The following HDLBP variants were observed in gnomAD, a reference collection of about 807,000 sequenced individuals.
HDLBP encodes high density lipoprotein binding protein, also known as vigilin.
A neutral mutation model predicts 137.3 loss-of-function variants in HDLBP; 30 were observed. That is an observed-to-expected ratio of 0.22 (90% CI 0.16 to 0.30). The LOEUF is 0.30. HDLBP is among the 10% of genes least tolerant of loss of function. The probability of loss-of-function intolerance (pLI) is 1.00; values close to 1 mark genes in which losing one functional copy is unlikely to be tolerated. For synonymous variants in HDLBP, 606 were observed against 596.0 expected, an observed-to-expected ratio of 1.02 and a Z score of -0.24; for missense variants, 1,119 against 1,667.3, an observed-to-expected ratio of 0.67 and a Z score of 5.73.
At chr2:241,276,712 G>C (rs901869752) in intron 1 of HDLBP, among the ~76,000 whole-genome samples, 7 of 152,068 alleles carry the variant, frequency 4.6e-5, no homozygotes, top group African/African-American at 1.7e-4. Flanking sequence ...TCATTATTAA[G>C]AACAGAGAAG....
intron 3 of HDLBP, 123 bp from the exon 4 acceptor site, chr2:241,264,728 C>T (rs1196190637): frequency 2.2e-6 from 2 of 889,152 alleles, no homozygotes; most frequent in South Asian, 1.7e-5. Flanking sequence ...AAGGACAACT[C>T]CCCCCACCCC....
intron 7 of HDLBP, among the ~76,000 whole-genome samples, chr2:241,255,815 T>C (rs1027833322): frequency 6.6e-6 from 1 of 152,234 alleles, no homozygotes; most frequent in Non-Finnish European, 1.5e-5. Context: ...CCTTGAACAC[T>C]GCAAAACACC....
chr2:241,249,690 T>G, intron 12 of HDLBP, 151 bp downstream of exon 12: 1 of 693,978 alleles, frequency 1.4e-6, no homozygotes, highest in Non-Finnish European at 2.4e-6. Context: ...AAAGGAAATG[T>G]GGCCCCAGGG....
intron 1 of HDLBP, among the ~76,000 whole-genome samples, chr2:241,284,314 T>G (rs2074725121): frequency 6.6e-6 from 1 of 152,062 alleles, no homozygotes; most frequent in Admixed American, 6.6e-5. Flanking sequence ...GCCATGACTT[T>G]GAGGGGTTCA....
chr2:241,286,941 GT>G (rs2074835604), intron 1 of HDLBP, among the ~76,000 whole-genome samples: 1 of 107,574 alleles, frequency 9.3e-6, no homozygotes, highest in Non-Finnish European at 2.0e-5. Flanking sequence ...GCAAGACCCT[GT>G]TTCCAAAAAA....
chr2:241,229,494 G>C lies in HDLBP; in HGVS notation c.*107C>G. ...TGCGGGACCTCGGGAAGGGGGAAGA[G>C]CGTCAACAATTTACGGAGGGTCCAG... On this transcript the variant is annotated 3_prime_UTR_variant, in exon 28 of 28. Coordinates refer to ENST00000310931, the MANE Select transcript of HDLBP (RefSeq NM_005336.6). 1.2e-6 allele frequency: 1 copy of C among 800,556 alleles called. No individual in the cohort carries two copies. The highest frequency in any genetic ancestry group is 2.0e-6 in the Non-Finnish European group (1 of 490,464). 49.6% of individuals were successfully genotyped at this position (800,556 alleles called of 1,614,324 possible). A position where few individuals can be genotyped will look rare whatever the true frequency, so the allele number is the denominator to read the frequency against.
intron 1 of HDLBP, chr2:241,279,896 G>T: frequency 1.0e-6 from 1 of 984,326 alleles, no homozygotes; most frequent in Non-Finnish European, 1.2e-6. Context: ...ATAAACAGAG[G>T]TATACAATTT....
intron 16 of HDLBP, among the ~76,000 whole-genome samples, chr2:241,245,961 A>G (rs957762536): frequency 1.3e-5 from 2 of 152,202 alleles, no homozygotes; most frequent in Admixed American, 6.5e-5. Context: ...GGACTATTCT[A>G]AAAAACTTCA....
chr2:241,254,233 C>T (rs1016080560), intron 9 of HDLBP, among the ~76,000 whole-genome samples: 1 of 152,002 alleles, frequency 6.6e-6, no homozygotes, highest in Non-Finnish European at 1.5e-5. Context: ...TACTGCACCC[C>T]AGCCTGGGTG....
chr2:241,314,231 G>A (rs757960560), intron 1 of HDLBP, among the ~76,000 whole-genome samples: 4 of 152,108 alleles, frequency 2.6e-5, no homozygotes, highest in Non-Finnish European at 4.4e-5. Context: ...TTAGCCTAGG[G>A]ATACTTTTAC....
At chr2:241,273,276 T>A in intron 1 of HDLBP, 1 of 969,928 alleles carries the variant, frequency 1.0e-6, no homozygotes. Context: ...ATTCCCTCAT[T>A]CCTGCGTGCC....
intron 1 of HDLBP, among the ~76,000 whole-genome samples, chr2:241,274,384 C>T (rs186991498): frequency 9.8e-5 from 15 of 152,296 alleles, no homozygotes; most frequent in Admixed American, 5.2e-4. Context: ...GTGGGCCTCC[C>T]TAGATGTGGA....
intron 1 of HDLBP, among the ~76,000 whole-genome samples, chr2:241,285,272 G>A (rs62186398): frequency 6.6e-6 from 1 of 152,226 alleles, no homozygotes; most frequent in Admixed American, 6.5e-5. Flanking sequence ...CTCATGTGAT[G>A]TGCTTTATTG....
intron 1 of HDLBP, among the ~76,000 whole-genome samples, chr2:241,300,052 A>T (rs2149688525): frequency 6.6e-6 from 1 of 151,832 alleles, no homozygotes; most frequent in African/African-American, 2.4e-5. Context: ...TCATTTTCTC[A>T]AACTTCATAA....
At position 241,229,124 on chromosome 2, in the gene HDLBP, TGGA is replaced by T. The variant is rs2069417320; in HGVS notation, c.*474_*476del. 1 of 165,282 alleles carries T rather than the reference TGGA, an allele frequency of 6.1e-6. No individual in the cohort carries two copies. Among genetic ancestry groups the T allele is most frequent in the East Asian group, 1.9e-4 (1 of 5,384 alleles). The allele number at this position is 165,282 out of a possible 1,614,324, so 10.2% of individuals were successfully genotyped here. A position where few individuals can be genotyped will look rare whatever the true frequency, so the allele number is the denominator to read the frequency against. On this transcript the variant is annotated 3_prime_UTR_variant, in exon 28 of 28. Transcript: ENST00000310931. ...ACCTGTGCTGAGGCGCTCTGGCAGC[TGGA>T]GGAGGCTGATTGCACTCCACAAACA... is the stretch of plus-strand genomic sequence containing the variant.
chr2:241,279,997 G>A, intron 1 of HDLBP: 1 of 985,402 alleles, frequency 1.0e-6, no homozygotes, highest in Non-Finnish European at 1.2e-6. Context: ...AGGAGCAGCG[G>A]ACCAGGGGTC....
At chr2:241,278,824 C>T (rs1161148721) in intron 1 of HDLBP, among the ~76,000 whole-genome samples, 2 of 152,134 alleles carry the variant, frequency 1.3e-5, no homozygotes, top group Non-Finnish European at 2.9e-5. Flanking sequence ...AACCAATACA[C>T]ACAATCAATT....
At chr2:241,258,694 G>C (rs1370630682) in intron 5 of HDLBP, among the ~76,000 whole-genome samples, 3 of 152,184 alleles carry the variant, frequency 2.0e-5, no homozygotes, top group African/African-American at 7.2e-5. Flanking sequence ...TGACCTGATA[G>C]TGAAAAAACT....
chr2:241,274,918 G>A (rs1431491512), intron 1 of HDLBP, among the ~76,000 whole-genome samples: 3 of 152,240 alleles, frequency 2.0e-5, no homozygotes, highest in Middle Eastern at 3.4e-3. Context: ...GGTAGGAGGT[G>A]AGAAGAGATA....
Sources: allele counts gnomAD v4.1 joint callset (sites outside exome capture counted in the v4.1 genomes callset), GRCh38; gene constraint gnomAD v4.1.1; transcripts MANE v1.5; gene names NCBI Gene and HGNC (gene_info 2026-07-23, HGNC 2026-07-21).